The following FARP1 variants were observed in gnomAD, a reference collection of about 807,000 sequenced individuals.
The protein encoded by FARP1 is FERM, ARH/RhoGEF and pleckstrin domain protein 1, also known as FERM, ARHGEF and pleckstrin domain-containing protein 1.
In FARP1, 52 loss-of-function variants were observed where a neutral mutation model predicts 128.8. The ratio of observed to expected loss-of-function variants is 0.40; its 90% CI spans 0.32 to 0.51. The LOEUF is 0.51. Among genes scored for constraint, FARP1 ranks in the 20% least tolerant of loss-of-function variants. FARP1 has a pLI of 0.45. For missense variants in FARP1, 1,333 were observed against 1,367.9 expected, an observed-to-expected ratio of 0.97 and a Z score of 0.40; for synonymous variants, 580 against 551.8, an observed-to-expected ratio of 1.05 and a Z score of -0.72.
At chr13:98,428,073 G>A (rs1279284752) in intron 17 of FARP1, among the ~76,000 whole-genome samples, 56 of 117,346 alleles carry the variant, frequency 4.8e-4, no homozygotes, top group African/African-American at 1.5e-3. Flanking sequence ...CCCCCGACCC[G>A]TGCACTCACC....
chr13:98,356,174 A>C (rs796505429), intron 3 of FARP1, among the ~76,000 whole-genome samples: 5 of 152,336 alleles, frequency 3.3e-5, no homozygotes, highest in African/African-American at 1.2e-4. Flanking sequence ...AATAAATATT[A>C]AAAATCTCTG....
At chr13:98,217,236 A>G (rs376675935) in intron 2 of FARP1, among the ~76,000 whole-genome samples, 1 of 151,300 alleles carries the variant, frequency 6.6e-6, no homozygotes, top group Non-Finnish European at 1.5e-5. Flanking sequence ...TTTATTTTTT[A>G]TTTTTATTTT....
At chr13:98,219,789 C>T (rs573591203) in intron 2 of FARP1, among the ~76,000 whole-genome samples, 2 of 152,176 alleles carry the variant, frequency 1.3e-5, no homozygotes, top group Admixed American at 6.5e-5. Context: ...CACAGTCCCC[C>T]CTAGTTGCTG....
chr13:98,333,436 TACACACACACACACACAC>T (rs60264788), intron 2 of FARP1, among the ~76,000 whole-genome samples: 7 of 139,754 alleles, frequency 5.0e-5, no homozygotes, highest in South Asian at 2.5e-4. Context: ...CCCCCACATG[TACACACACACACACACAC>T]ACACACACAC....
intron 2 of FARP1, among the ~76,000 whole-genome samples, chr13:98,325,364 G>A (rs1887186429): frequency 6.6e-6 from 1 of 152,018 alleles, no homozygotes; most frequent in African/African-American, 2.4e-5. Context: ...TATCTCATAT[G>A]TTCTGTTTCT....
At chr13:98,174,060 T>TA (rs1457173223) in intron 1 of FARP1, among the ~76,000 whole-genome samples, 1 of 152,194 alleles carries the variant, frequency 6.6e-6, no homozygotes, top group African/African-American at 2.4e-5. Flanking sequence ...GTTTATTTCA[T>TA]ACATTAATAT....
intron 2 of FARP1, chr13:98,245,005 T>A: frequency 1.8e-6 from 2 of 1,134,110 alleles, no homozygotes; most frequent in South Asian, 3.1e-5. Context: ...AAGATTCATT[T>A]CTATTCCAGC....
intron 2 of FARP1, among the ~76,000 whole-genome samples, chr13:98,330,580 C>T (rs1447719429): frequency 6.6e-6 from 1 of 151,974 alleles, no homozygotes; most frequent in Admixed American, 6.5e-5. Context: ...CATGGTGAAA[C>T]CCCGTCTCTA....
chr13:98,190,597 CTG>C (rs1162868142), intron 1 of FARP1, among the ~76,000 whole-genome samples: 3 of 152,156 alleles, frequency 2.0e-5, no homozygotes, highest in African/African-American at 7.2e-5. Flanking sequence ...GGGTCTCGCT[CTG>C]TTACTGAGGC....
chr13:98,267,490 C>T (rs565118254), intron 2 of FARP1, among the ~76,000 whole-genome samples: 1 of 152,206 alleles, frequency 6.6e-6, no homozygotes, highest in African/African-American at 2.4e-5. Flanking sequence ...GCTCCCACCC[C>T]CCCATATCCT....
At chr13:98,349,808 C>T (rs923519277) in intron 3 of FARP1, among the ~76,000 whole-genome samples, 1 of 151,804 alleles carries the variant, frequency 6.6e-6, no homozygotes, top group African/African-American at 2.4e-5. Context: ...TTCTGTCCTC[C>T]ATGCTAGGAG....
At chr13:98,372,081 C>CTTTTTTTTT (rs56838920) in intron 5 of FARP1, among the ~76,000 whole-genome samples, 11 of 92,342 alleles carry the variant, frequency 1.2e-4, no homozygotes, top group South Asian at 4.1e-4. Flanking sequence ...CCCAGTTTTT[C>CTTTTTTTTT]TTTTTTTTTT....
At chr13:98,409,212 G>A (rs554805406) in intron 13 of FARP1, 126 bp from the exon 14 acceptor site, 11 of 698,022 alleles carry the variant, frequency 1.6e-5, no homozygotes, top group African/African-American at 7.2e-5. Flanking sequence ...ATAAAGAATC[G>A]CTTTAGGTTT....
At chr13:98,227,389 T>G (rs964349597) in intron 2 of FARP1, among the ~76,000 whole-genome samples, 2 of 151,360 alleles carry the variant, frequency 1.3e-5, no homozygotes, top group African/African-American at 2.4e-5. Context: ...ACTAATCATT[T>G]AAGAAATGCA....
chr13:98,443,780 A>G (rs9517302), intron 24 of FARP1, among the ~76,000 whole-genome samples: 109,897 of 151,994 alleles, frequency 0.72, 40,635 homozygotes, highest in Non-Finnish European at 0.81. Context: ...GTTGTCTTTT[A>G]AGGCTGGAGT....
At chr13:98,352,269 T>A (rs1888467522) in intron 3 of FARP1, among the ~76,000 whole-genome samples, 1 of 152,104 alleles carries the variant, frequency 6.6e-6, no homozygotes, top group African/African-American at 2.4e-5. Flanking sequence ...GGGCGTCTGA[T>A]GGGTGGCAGA....
At chr13:98,412,268 T>C (rs1298542798) in intron 16 of FARP1, among the ~76,000 whole-genome samples, 2 of 152,242 alleles carry the variant, frequency 1.3e-5, no homozygotes, top group Non-Finnish European at 2.9e-5. Context: ...CCCTCTCTTA[T>C]GATGATTATA....
At chr13:98,321,711 C>G (rs926238597) in intron 2 of FARP1, among the ~76,000 whole-genome samples, 3 of 152,158 alleles carry the variant, frequency 2.0e-5, no homozygotes, top group African/African-American at 7.2e-5. Context: ...CCTCATATGA[C>G]TTTTGTATTT....
intron 1 of FARP1, among the ~76,000 whole-genome samples, chr13:98,179,864 C>G (rs1878383791): frequency 6.6e-6 from 1 of 151,786 alleles, no homozygotes; most frequent in South Asian, 2.1e-4. Flanking sequence ...CTCAAAAAAA[C>G]AAAACAAAAC....
Sources: allele counts gnomAD v4.1 joint callset (sites outside exome capture counted in the v4.1 genomes callset), GRCh38; gene constraint gnomAD v4.1.1; transcripts MANE v1.5; gene names NCBI Gene and HGNC (gene_info 2026-07-23, HGNC 2026-07-21).